Variants in GRHL2 observed in about 807,000 individuals in gnomAD.
The protein encoded by GRHL2 is grainyhead like transcription factor 2, also known as grainyhead-like protein 2 homolog.
In GRHL2, 21 loss-of-function variants were observed where a neutral mutation model predicts 83.8. That is an observed-to-expected ratio of 0.25 (90% CI 0.18 to 0.36). The LOEUF is 0.36. GRHL2 is among the 10% of genes least tolerant of loss of function. GRHL2 has a pLI of 1.00. For missense variants in GRHL2, 623 were observed against 781.8 expected (o/e 0.80, Z 2.42); for synonymous variants, 280 against 278.9 (o/e 1.00, Z -0.04).
At chr8:101,555,150 C>T (rs1811464326) in intron 3 of GRHL2, among the ~76,000 whole-genome samples, 1 of 152,194 alleles carries the variant, frequency 6.6e-6, no homozygotes, top group Admixed American at 6.5e-5. Flanking sequence ...TCTAACTATA[C>T]AGAAGTTGGT....
At chr8:101,605,686 C>T (rs924168050) in intron 8 of GRHL2, among the ~76,000 whole-genome samples, 6 of 152,206 alleles carry the variant, frequency 3.9e-5, no homozygotes, top group South Asian at 2.1e-4. Context: ...CTGTCCATAT[C>T]GTGCATATCA....
chr8:101,501,122 T>C (rs1248169793), intron 1 of GRHL2, among the ~76,000 whole-genome samples: 1 of 152,246 alleles, frequency 6.6e-6, no homozygotes, highest in African/African-American at 2.4e-5. Context: ...CAATGTATAT[T>C]TTGAAAATAA....
intron 12 of GRHL2, among the ~76,000 whole-genome samples, chr8:101,639,438 C>A (rs1009136888): frequency 2.0e-5 from 3 of 152,182 alleles, no homozygotes; most frequent in Non-Finnish European, 4.4e-5. Flanking sequence ...TCCCATGACT[C>A]CCATTTTATA....
chr8:101,679,576 G>A, the GRHL2 span, among the ~76,000 whole-genome samples: 4 of 150,196 alleles, frequency 2.7e-5, no homozygotes, highest in East Asian at 2.0e-4. Context: ...TACAGAGAAC[G>A]TCACAAAGAT....
At chr8:101,599,763 C>T (rs1812472045) in intron 8 of GRHL2, among the ~76,000 whole-genome samples, 1 of 151,696 alleles carries the variant, frequency 6.6e-6, no homozygotes, top group African/African-American at 2.4e-5. Context: ...AAGAGACGTC[C>T]ACCATTGCAA....
the GRHL2 span, among the ~76,000 whole-genome samples, chr8:101,677,153 G>A: frequency 3.3e-5 from 5 of 151,726 alleles, no homozygotes; most frequent in Admixed American, 2.6e-4. Context: ...CATGGCACAT[G>A]TATACATATG....
intron 1 of GRHL2, among the ~76,000 whole-genome samples, chr8:101,510,571 G>A (rs1208987614): frequency 1.3e-5 from 2 of 151,966 alleles, no homozygotes; most frequent in Non-Finnish European, 1.5e-5. Flanking sequence ...TCATTTCCTA[G>A]AATGAATTTC....
chr8:101,603,682 T>C (rs1812565199), intron 8 of GRHL2, among the ~76,000 whole-genome samples: 1 of 152,256 alleles, frequency 6.6e-6, no homozygotes, highest in African/African-American at 2.4e-5. Flanking sequence ...CCCGTTTTGC[T>C]GGTTGTGAGA....
chr8:101,580,624 G>A (rs1253669770), intron 7 of GRHL2, among the ~76,000 whole-genome samples: 1 of 152,186 alleles, frequency 6.6e-6, no homozygotes, highest in African/African-American at 2.4e-5. Context: ...GATCACACAT[G>A]TGATAAGTGG....
At chr8:101,553,968 C>G (rs1811440387) in intron 3 of GRHL2, among the ~76,000 whole-genome samples, 1 of 152,170 alleles carries the variant, frequency 6.6e-6, no homozygotes, top group South Asian at 2.1e-4. Flanking sequence ...CAATAAATCT[C>G]TTCCCCTGCA....
intron 14 of GRHL2, among the ~76,000 whole-genome samples, chr8:101,651,842 T>A (rs929444315): frequency 1.3e-5 from 2 of 152,176 alleles, no homozygotes; most frequent in Non-Finnish European, 2.9e-5. Context: ...CCCCTTTATG[T>A]CTAAAAAGAA....
intron 14 of GRHL2, among the ~76,000 whole-genome samples, chr8:101,652,340 T>TGTGTGTGTGTGGTGTGTGTGTCTG (rs1813647084): frequency 1.3e-5 from 1 of 77,476 alleles, no homozygotes; most frequent in African/African-American, 7.5e-5. Context: ...GGTGTGTGTG[T>TGTGTGTGTGTGGTGTGTGTGTCTG]ATGTGTGTGG....
intron 1 of GRHL2, among the ~76,000 whole-genome samples, chr8:101,509,213 G>T (rs1467577885): frequency 2.3e-3 from 26 of 11,500 alleles, no homozygotes; most frequent in Non-Finnish European, 4.5e-3. Context: ...TTCTTCTTGT[G>T]TGTGTGTGTG....
intron 6 of GRHL2, among the ~76,000 whole-genome samples, chr8:101,574,244 T>C (rs1003585101): frequency 6.6e-6 from 1 of 152,196 alleles, no homozygotes; most frequent in African/African-American, 2.4e-5. Flanking sequence ...TGGTGGAACT[T>C]GGTTTCAAAG....
chr8:101,540,524 G>A (rs1362623860), intron 1 of GRHL2, among the ~76,000 whole-genome samples: 1 of 152,154 alleles, frequency 6.6e-6, no homozygotes, highest in African/African-American at 2.4e-5. Flanking sequence ...CTGGCTCAAA[G>A]AGCCTGACTC....
At chr8:101,497,013 T>C (rs897527942) in intron 1 of GRHL2, among the ~76,000 whole-genome samples, 2 of 152,224 alleles carry the variant, frequency 1.3e-5, no homozygotes, top group African/African-American at 4.8e-5. Flanking sequence ...GTAAGTGGTC[T>C]TGGTAATCAA....
the GRHL2 span, among the ~76,000 whole-genome samples, chr8:101,680,024 G>A: frequency 8.5e-6 from 1 of 117,744 alleles, no homozygotes; most frequent in Non-Finnish European, 1.7e-5. Flanking sequence ...CAACTAACGA[G>A]CAAAATAACC....
At chr8:101,516,424 T>C (rs1277955199) in intron 1 of GRHL2, among the ~76,000 whole-genome samples, 1 of 146,454 alleles carries the variant, frequency 6.8e-6, no homozygotes, top group African/African-American at 2.5e-5. Flanking sequence ...TTTTTTTTTT[T>C]TTTTTTTTGA....
chr8:101,558,402 G>T lies in GRHL2; in HGVS notation c.285-17G>T. The T allele has an allele frequency of 6.2e-7, 1 of 1,613,898 alleles. No homozygotes were observed. Among genetic ancestry groups the T allele is most frequent in the Non-Finnish European group, 8.5e-7 (1 of 1,179,946 alleles). On this transcript the variant is annotated splice_polypyrimidine_tract_variant and intron_variant, in intron 3 of 15. Transcript: ENST00000646743. Reference sequence around the variant, plus strand: ...TTTTTCTAATTCTATCATGTTGCGGGGGGTTTCAACACACAGAAACTGCCT... The same window carrying T: ...TTTTTCTAATTCTATCATGTTGCGGTGGGTTTCAACACACAGAAACTGCCT...
Sources: gnomAD v4.1 joint callset for allele counts (sites outside exome capture counted in the v4.1 genomes callset) on GRCh38, gnomAD v4.1.1 for gene constraint, MANE v1.5 for transcripts, NCBI Gene and HGNC (gene_info 2026-07-23, HGNC 2026-07-21) for gene names.